The following TSPYL2 variants were observed in gnomAD, a reference collection of about 807,000 sequenced individuals.
TSPYL2 encodes TSPY like 2.
In TSPYL2, 9 loss-of-function variants were observed where a neutral mutation model predicts 33.0. The observed-to-expected ratio is 0.27, with a 90% CI of 0.16 to 0.48. The LOEUF (loss-of-function observed/expected upper bound fraction) is 0.48, where lower values mean the gene tolerates loss of function less well. Ranked by LOEUF, TSPYL2 falls within the 20% of genes least tolerant of loss-of-function variation. The pLI, the probability that TSPYL2 is intolerant of heterozygous loss-of-function variation, is 0.99. For synonymous variants in TSPYL2, 330 were observed against 233.6 expected (o/e 1.41, Z -3.77); for missense variants, 636 against 586.2 (o/e 1.08, Z -0.88).
Position 53,088,197 on chromosome X carries a change from T to A in TSPYL2, c.*258T>A. ...GTGCTGCTAACTGTATTTATTGTGA[T>A]GCCTTGGTCAGGGCCCCTCTACCCA... On this transcript the variant is annotated 3_prime_UTR_variant, in exon 7 of 7. Transcript: ENST00000375442. The A allele has an allele frequency of 2.8e-6, 1 of 359,933 alleles. No homozygotes were observed. The highest frequency in any genetic ancestry group is 4.5e-5 in the East Asian group (1 of 22,401). The allele number at this position is 359,933 out of a possible 1,213,427, so 29.7% of individuals were successfully genotyped here.
At position 53,084,585 on chromosome X, in the gene TSPYL2, G is replaced by A. The variant is rs781958730; in HGVS notation, c.848G>A (p.Arg283His). The A allele has an allele frequency of 1.3e-5, 16 of 1,186,146 alleles. No homozygotes were observed. The highest frequency in any genetic ancestry group is 3.0e-5 in the East Asian group (1 of 33,483). ...AGAATTTCAATTTTGATCAACCGACGTGATGAAGACATTTTCCGCTACTTG... is the reference window on the plus strand; with the variant it reads ...AGAATTTCAATTTTGATCAACCGACATGATGAAGACATTTTCCGCTACTTG... ...HPRISILINR[R>H]DEDIFRYLTN... The change falls in exon 2 of 7, where the codon CGT becomes CAT. Residue 283 changes from arginine (R) to histidine (H), a missense_variant. By Grantham distance (29) the Arg-to-His change is conservative. Transcript: ENST00000375442.
At position 53,082,934 on chromosome X, in the gene TSPYL2, C is replaced by T; in HGVS notation, c.436C>T (p.Leu146=). The T allele has an allele frequency of 8.3e-7, 1 of 1,210,777 alleles. No homozygotes were observed. The highest frequency in any genetic ancestry group is 1.1e-6 in the Non-Finnish European group (1 of 895,184). Reference sequence around the variant, plus strand: ...GAGCAGTTTTGGTGGAGAGGGGGCCCTAGAAACCTGTAGCGCAGTGGGGTG... The same window carrying T: ...GAGCAGTTTTGGTGGAGAGGGGGCCTTAGAAACCTGTAGCGCAGTGGGGTG... ...QSSSFGGEGA[L]ETCSAVGWAP... Residue 146 remains leucine, a synonymous_variant, in exon 1 of 7, where the codon CTA becomes TTA. Transcript: ENST00000375442.
rs781788384 is a variant in TSPYL2, at chrX:53,087,890, A to C, written c.2033A>C (p.Gln678Pro). The change falls in exon 7 of 7, where the codon CAG (glutamine) becomes CCG (proline). Residue 678 changes from glutamine to proline, a missense_variant. Around this residue, in one of 3 missense-constraint regions of TSPYL2, gnomAD observed 401 missense variants for 363.0 expected, o/e 1.10. Coordinates refer to ENST00000375442, the MANE Select transcript of TSPYL2 (RefSeq NM_022117.4). ...SDDSDLEDVL[Q>P]VPNGWANPGK... ...GACTCTGACCTAGAGGATGTGCTTC[A>C]GGTCCCAAACGGTTGGGCCAATCCG... The C allele has an allele frequency of 1.3e-4, 161 of 1,210,347 alleles. No individual in the cohort carries two copies. The South Asian group carries it at 2.5e-3, about 19-fold the overall frequency.
chrX:53,082,746 G>T lies in TSPYL2; in HGVS notation c.248G>T (p.Gly83Val). The T allele has an allele frequency of 3.4e-6, 4 of 1,177,601 alleles. No individual in the cohort carries two copies. Among genetic ancestry groups the T allele is most frequent in the Non-Finnish European group, 4.5e-6 (4 of 880,717 alleles). Residue 83 changes from glycine to valine, a missense_variant, in exon 1 of 7, where the codon GGG becomes GTG. Around this residue, in one of 3 missense-constraint regions of TSPYL2, gnomAD observed 231 missense variants for 201.6 expected, o/e 1.15. Transcript: ENST00000375442. Reference protein sequence around the residue: ...PPPYVILEEGGIRAYFTLGAE... With the variant: ...PPPYVILEEGVIRAYFTLGAE... ...CCCTATGTCATTCTCGAGGAGGGGGGGATCCGCGCATACTTCACGCTCGGT... is the reference window on the plus strand; with the variant it reads ...CCCTATGTCATTCTCGAGGAGGGGGTGATCCGCGCATACTTCACGCTCGGT...
Position 53,082,795 on chromosome X carries a change from T to C in TSPYL2, c.297T>C (p.Ser99=), listed in dbSNP as rs782271602. Residue 99 remains serine (S), a synonymous_variant, in exon 1 of 7, where the codon TCT becomes TCC. Transcript: ENST00000375442. ...GTGCTGAGTGTCCCGGCTGGGATTC[T>C]ACCATCGAGTCGGGGTATGGGGAGG... ...TLGAECPGWD[S]TIESGYGEAP... 3 of 1,197,710 alleles carry C rather than the reference T, an allele frequency of 2.5e-6. No homozygotes were observed. In the Admixed American group the frequency reaches 6.9e-5, roughly 28 times the overall value.
rs781859406 is a variant in TSPYL2, at chrX:53,082,948, C to T, written c.450C>T (p.Ser150=). ...GAGAGGGGGCCCTAGAAACCTGTAG[C>T]GCAGTGGGGTGGGCGCCCCAGAGGT... ...FGGEGALETC[S]AVGWAPQRLV... Residue 150 remains serine, a synonymous_variant, in exon 1 of 7, where the codon AGC becomes AGT. Coordinates refer to ENST00000375442, the MANE Select transcript of TSPYL2 (RefSeq NM_022117.4). The T allele has an allele frequency of 2.2e-5, 27 of 1,208,427 alleles. No individual in the cohort carries two copies. In the South Asian group the frequency reaches 4.2e-4, roughly 19 times the overall value.
In TSPYL2 at chrX:53,088,240, T is replaced by C; in HGVS notation, c.*301T>C. Reference sequence around the variant, plus strand: ...TCTACCCACTTCTCCCAGTCAGTTGTGGCCCCAGCCCCTCTCCCTGTGCTG... The same window carrying C: ...TCTACCCACTTCTCCCAGTCAGTTGCGGCCCCAGCCCCTCTCCCTGTGCTG... On this transcript the variant is annotated 3_prime_UTR_variant, in exon 7 of 7. Transcript: ENST00000375442. 3 of 285,460 alleles carry C rather than the reference T, an allele frequency of 1.1e-5. No individual in the cohort carries two copies. The highest frequency in any genetic ancestry group is 1.9e-5 in the Non-Finnish European group (3 of 159,868). 23.5% of individuals were successfully genotyped at this position (285,460 alleles called of 1,213,427 possible). A position where few individuals can be genotyped will look rare whatever the true frequency, so the allele number is the denominator to read the frequency against.
At position 53,088,402 on chromosome X, in the gene TSPYL2, G is replaced by C; in HGVS notation, c.*463G>C. On this transcript the variant is annotated 3_prime_UTR_variant, in exon 7 of 7. Transcript: ENST00000375442. ...TCCATCCCTCTCCTCTTCCCGCCGC[G>C]CCGCTAGCCCGCCTCGGTGTCTATG... is the stretch of plus-strand genomic sequence containing the variant. The C allele has an allele frequency of 8.1e-6, 1 of 123,464 alleles. No individual in the cohort carries two copies. The highest frequency in any genetic ancestry group is 1.7e-5 in the Non-Finnish European group (1 of 59,256). The allele number at this position is 123,464 out of a possible 1,213,427, so 10.2% of individuals were successfully genotyped here.
rs782346892 is a variant in TSPYL2 at position 53,084,858 on chromosome X, A to G, written c.989A>G (p.Asn330Ser). 3 of 1,208,551 alleles carry G rather than the reference A, an allele frequency of 2.5e-6. No homozygotes were observed. The South Asian group carries it at 5.3e-5, about 21-fold the overall frequency. Residue 330 changes from asparagine (N) to serine (S), a missense_variant, in exon 3 of 7, where the codon AAC (asparagine) becomes AGC (serine). By Grantham distance (46) the Asn-to-Ser change is conservative. Transcript: ENST00000375442. ...NMVIVKEFQR[N>S]RSGRLVSHST... ...GTGATTGTCAAGGAGTTCCAGCGCA[A>G]CCGCTCAGGTAAGTGGCAGTACCAG... is the stretch of plus-strand genomic sequence containing the variant.
At chrX:53,087,645 A>G (rs1282353921) in intron 6 of TSPYL2, 131 bp from the exon 7 acceptor site, 10 of 639,368 alleles carry the variant, frequency 1.6e-5, no homozygotes, top group Non-Finnish European at 2.4e-5. Flanking sequence ...TGTTCCAAGC[A>G]GAGGCGCTGA....
In TSPYL2 at chrX:53,085,012, C is replaced by A; in HGVS notation, c.1056C>A (p.Ala352=). ...IRWHRGQEPQ[A]RRHGNQDASH... ...GGCACCGGGGCCAGGAACCCCAGGC[C>A]CGTCGTCACGGGAACCAGGATGCGA... The change falls in exon 4 of 7, where the codon GCC becomes GCA. Residue 352 remains alanine, a synonymous_variant. Coordinates refer to ENST00000375442, the MANE Select transcript of TSPYL2 (RefSeq NM_022117.4). The A allele has an allele frequency of 1.7e-6, 2 of 1,211,732 alleles. No individual in the cohort carries two copies. The highest frequency in any genetic ancestry group is 2.2e-6 in the Non-Finnish European group (2 of 895,477).
chrX:53,083,268 T>A lies in TSPYL2; in HGVS notation c.770T>A (p.Leu257His), dbSNP rs1556807524. ...AGACCCTTCCTGGAGCGCAGAGACC[T>A]CATCATCCAGCATATCCCAGGCTTC... ...MRRPFLERRDLIIQHIPGFWV... is the reference protein window; with the variant it reads ...MRRPFLERRDHIIQHIPGFWV... The change falls in exon 1 of 7, where the codon CTC becomes CAC. Residue 257 changes from leucine (L) to histidine (H), a missense_variant. Leu to His is a moderately conservative substitution (Grantham distance 99). Around this residue, in one of 3 missense-constraint regions of TSPYL2, gnomAD observed 401 missense variants for 363.0 expected, o/e 1.10. Coordinates refer to ENST00000375442, the MANE Select transcript of TSPYL2 (RefSeq NM_022117.4). 2 of 1,207,534 alleles carry A rather than the reference T, an allele frequency of 1.7e-6. No individual in the cohort carries two copies. The highest frequency in any genetic ancestry group is 3.0e-5 in the East Asian group (1 of 33,705).
Position 53,085,712 on chromosome X carries a change from C to T in TSPYL2, c.1320C>T (p.Ile440=). The T allele has an allele frequency of 1.7e-6, 2 of 1,211,795 alleles. No homozygotes were observed. The highest frequency in any genetic ancestry group is 2.2e-6 in the Non-Finnish European group (2 of 895,421). Residue 440 remains isoleucine (I), a synonymous_variant, in exon 6 of 7, where the codon ATC becomes ATT. Coordinates refer to ENST00000375442, the MANE Select transcript of TSPYL2 (RefSeq NM_022117.4). ...YYAVEDIFSE[I]SDIDETIHDI... is the part of the protein sequence containing the mutation. ...CAGTGGAAGACATTTTCAGCGAGAT[C>T]TCAGACATTGATGAGACAATTCATG...
chrX:53,085,877 C>T lies in TSPYL2; in HGVS notation c.1485C>T (p.Asn495=), dbSNP rs1242707613. 4 of 1,209,290 alleles carry T rather than the reference C, an allele frequency of 3.3e-6. No homozygotes were observed. The highest frequency in any genetic ancestry group is 1.8e-5 in the African/African-American group (1 of 56,949). Residue 495 remains asparagine (N), a synonymous_variant, in exon 6 of 7, where the codon AAC becomes AAT. Transcript: ENST00000375442. ...NEVPNNETTD[N]NESADDHETT... ...TCCCCAACAACGAGACCACTGATAACAACGAGAGTGCTGATGACCACGAAA... is the reference window on the plus strand; with the variant it reads ...TCCCCAACAACGAGACCACTGATAATAACGAGAGTGCTGATGACCACGAAA...
intron 1 of TSPYL2, 55 bp from the exon 2 acceptor site, chrX:53,084,490 C>A: frequency 9.5e-7 from 1 of 1,054,022 alleles, no homozygotes; most frequent in Non-Finnish European, 1.3e-6. Context: ...CTGGCCTTCC[C>A]TCCCTCCCTT....
chrX:53,086,900 A>AGGCTC (rs1932776432), intron 6 of TSPYL2: 1 of 118,925 alleles, frequency 8.4e-6, no homozygotes, highest in African/African-American at 3.3e-5. Flanking sequence ...AAGGGTGAAA[A>AGGCTC]TGCATCGTAG....
chrX:53,085,220 T>C lies in TSPYL2; in HGVS notation c.1144-7T>C, dbSNP rs1427275007. 1 of 1,197,172 alleles carries C rather than the reference T, an allele frequency of 8.4e-7. No individual in the cohort carries two copies. The highest frequency in any genetic ancestry group is 2.3e-5 in the Admixed American group (1 of 43,454). ...GCTGTCTTATTCCTTCTCCCCTTTTTCAACAGATTATCAAGAATGATCTGT... is the reference window on the plus strand; with the variant it reads ...GCTGTCTTATTCCTTCTCCCCTTTTCCAACAGATTATCAAGAATGATCTGT... On this transcript the variant is annotated splice_polypyrimidine_tract_variant and splice_region_variant and intron_variant, in intron 4 of 6. Transcript: ENST00000375442.
rs1556807083 is a variant in TSPYL2, at chrX:53,082,459, G to C, written c.-40G>C. The stretch of plus-strand genomic sequence containing the variant: ...GCAGCGACGCGGCTAAAAGCGAAGG[G>C]GCGAGTGCGAGTCCCCTGAGCTGTA... On this transcript the variant is annotated 5_prime_UTR_variant, in exon 1 of 7. Transcript: ENST00000375442. The C allele has an allele frequency of 9.0e-7, 1 of 1,105,347 alleles. No homozygotes were observed. The highest frequency in any genetic ancestry group is 1.2e-6 in the Non-Finnish European group (1 of 847,142). The allele number at this position is 1,105,347 out of a possible 1,213,427, so 91.1% of individuals were successfully genotyped here.
rs782437366 is a variant in TSPYL2 at position 53,083,278 on chromosome X, G to A, written c.780G>A (p.Gln260=). 1.6e-5 allele frequency: 19 copies of A among 1,209,943 alleles called. No homozygotes were observed. In the Admixed American group the frequency reaches 2.8e-4, roughly 18 times the overall value. ...TGGAGCGCAGAGACCTCATCATCCA[G>A]CATATCCCAGGCTTCTGGGTCAAAG... ...PFLERRDLII[Q]HIPGFWVKAF... Residue 260 remains glutamine (Q), a synonymous_variant, in exon 1 of 7, where the codon CAG becomes CAA. Transcript: ENST00000375442.
Sources: allele counts gnomAD v4.1 joint callset, GRCh38; gene constraint gnomAD v4.1.1; regional missense constraint gnomAD v4.1.1; transcripts MANE v1.5; gene names NCBI Gene and HGNC (gene_info 2026-07-23, HGNC 2026-07-21).